Variants in KCNQ3 observed in about 807,000 individuals in gnomAD.
KCNQ3 encodes potassium voltage-gated channel subfamily Q member 3.
A neutral mutation model predicts 92.5 loss-of-function variants in KCNQ3; 30 were observed. That is an observed-to-expected ratio of 0.32 (90% CI 0.24 to 0.44). KCNQ3 has a LOEUF of 0.44. Ranked by LOEUF, KCNQ3 falls within the 20% of genes least tolerant of loss-of-function variation. KCNQ3 has a pLI of 1.00. For missense variants in KCNQ3, 913 were observed against 1,140.3 expected (o/e 0.80, Z 2.87); for synonymous variants, 450 against 468.8 (o/e 0.96, Z 0.52).
Position 132,480,675 on chromosome 8 carries a change from C to CCA in KCNQ3, c.-144_-143insTG. 1.1e-6 allele frequency: 1 copy of CCA among 900,752 alleles called. No homozygotes were observed. The highest frequency in any genetic ancestry group is 1.3e-6 in the Non-Finnish European group (1 of 740,836). 55.8% of individuals were successfully genotyped at this position (900,752 alleles called of 1,614,324 possible). The stretch of plus-strand genomic sequence containing the variant: ...TGATCCGCGCGCCCCTCCCCACCCC[C>CCA]CCCCAAAAGCAGGCAAAGGCGGGCC... On this transcript the variant is annotated 5_prime_UTR_variant, in exon 1 of 15. Transcript: ENST00000388996.
chr8:132,295,540 C>A (rs1816991875), intron 1 of KCNQ3, among the ~76,000 whole-genome samples: 1 of 152,136 alleles, frequency 6.6e-6, no homozygotes, highest in Non-Finnish European at 1.5e-5. Context: ...CGGGCGTATA[C>A]CCAAAGGAAT....
intron 1 of KCNQ3, among the ~76,000 whole-genome samples, chr8:132,303,269 T>A (rs578051870): frequency 6.6e-6 from 1 of 152,152 alleles, no homozygotes; most frequent in African/African-American, 2.4e-5. Flanking sequence ...CAAATCTTTT[T>A]CTTTGTACCT....
At chr8:132,159,977 A>C (rs564230926) in intron 9 of KCNQ3, among the ~76,000 whole-genome samples, 22 of 152,312 alleles carry the variant, frequency 1.4e-4, no homozygotes, top group African/African-American at 4.6e-4. Context: ...GTAGGAGATA[A>C]TGCAGCGAAT....
At chr8:132,374,693 G>A (rs1401285716) in intron 1 of KCNQ3, among the ~76,000 whole-genome samples, 1 of 152,078 alleles carries the variant, frequency 6.6e-6, no homozygotes, top group South Asian at 2.1e-4. Context: ...CCACCCTCAA[G>A]TAGGCCCCAG....
At chr8:132,273,779 T>G (rs1816239103) in intron 1 of KCNQ3, among the ~76,000 whole-genome samples, 1 of 152,162 alleles carries the variant, frequency 6.6e-6, no homozygotes, top group African/African-American at 2.4e-5. Context: ...AAATAAACTC[T>G]CTCAAGTTTA....
intron 1 of KCNQ3, among the ~76,000 whole-genome samples, chr8:132,211,735 G>C (rs907708182): frequency 6.6e-6 from 1 of 151,908 alleles, no homozygotes; most frequent in African/African-American, 2.4e-5. Flanking sequence ...GGTGGATCAC[G>C]AGGTCAGGCA....
At chr8:132,205,510 G>A (rs57475225) in intron 1 of KCNQ3, among the ~76,000 whole-genome samples, 2,791 of 152,314 alleles carry the variant, frequency 0.018, 95 homozygotes, top group African/African-American at 0.064. Context: ...AGCACTGTCT[G>A]TGTACAAGGC....
At chr8:132,361,853 C>T (rs976525000) in intron 1 of KCNQ3, among the ~76,000 whole-genome samples, 7 of 152,014 alleles carry the variant, frequency 4.6e-5, no homozygotes, top group African/African-American at 1.2e-4. Flanking sequence ...CAAAGATACA[C>T]GCCAAGCAAA....
intron 1 of KCNQ3, among the ~76,000 whole-genome samples, chr8:132,209,514 T>C (rs763903329): frequency 1.3e-5 from 2 of 150,556 alleles, no homozygotes; most frequent in South Asian, 4.2e-4. Context: ...TTTTGTATAA[T>C]GTACGTAATT....
rs183576764 is a variant in KCNQ3, at chr8:132,201,198, C to A, written c.387-15017G>T. On this transcript the variant is annotated intron_variant, in intron 1 of 14. Coordinates refer to ENST00000388996, the MANE Select transcript of KCNQ3 (RefSeq NM_004519.4). Reference sequence around the variant, plus strand: ...CTCGTAAAGGTCCCACATTTCTCAACACTGTTGCATTGGGGATTACATTTC... The same window carrying A: ...CTCGTAAAGGTCCCACATTTCTCAAAACTGTTGCATTGGGGATTACATTTC... Among the ~76,000 whole-genome samples the A allele has an allele frequency of 2.5e-3, 384 of 152,328 alleles. 1 individual carries two copies. Among genetic ancestry groups the A allele is most frequent in the Admixed American group, 4.4e-3 (68 of 15,304 alleles).
At chr8:132,172,394 T>G (rs1343978792) in intron 7 of KCNQ3, among the ~76,000 whole-genome samples, 1 of 113,608 alleles carries the variant, frequency 8.8e-6, no homozygotes, top group Non-Finnish European at 1.8e-5. Flanking sequence ...CTGGGCACAT[T>G]AATACACACA....
chr8:132,344,219 G>C lies in KCNQ3; in HGVS notation c.386+135928C>G, dbSNP rs548632237. Among the ~76,000 whole-genome samples, 65 of 152,312 alleles carry C rather than the reference G, an allele frequency of 4.3e-4. No homozygotes were observed. The South Asian group carries it at 7.2e-3, about 17-fold the overall frequency. On this transcript the variant is annotated intron_variant, in intron 1 of 14. Coordinates refer to ENST00000388996, the MANE Select transcript of KCNQ3 (RefSeq NM_004519.4). ...CAACTTACAGAGTATTATAGGGTCA[G>C]TACCCTATTCTCTACTAACATAAAT... is the stretch of plus-strand genomic sequence containing the variant.
chr8:132,222,829 T>A (rs1814280614), intron 1 of KCNQ3, among the ~76,000 whole-genome samples: 1 of 152,232 alleles, frequency 6.6e-6, no homozygotes, highest in Admixed American at 6.5e-5. Context: ...ATGTGCTTAA[T>A]GTGGATTTGA....
intron 1 of KCNQ3, among the ~76,000 whole-genome samples, chr8:132,194,592 C>G (rs1012359541): frequency 2.1e-4 from 32 of 152,324 alleles, no homozygotes; most frequent in African/African-American, 7.7e-4. Context: ...GGGGGAAATG[C>G]CATTATTGAT....
chr8:132,315,435 T>A (rs1817713347), intron 1 of KCNQ3, among the ~76,000 whole-genome samples: 1 of 152,072 alleles, frequency 6.6e-6, no homozygotes, highest in Non-Finnish European at 1.5e-5. Context: ...GGATAATGGT[T>A]AGGATATGTT....
At chr8:132,443,134 T>C (rs1159253006) in intron 1 of KCNQ3, among the ~76,000 whole-genome samples, 1 of 152,164 alleles carries the variant, frequency 6.6e-6, no homozygotes, top group East Asian at 1.9e-4. Context: ...GCATAACCTT[T>C]GGAAATAAAG....
At chr8:132,164,474 T>C (rs990688984) in intron 8 of KCNQ3, among the ~76,000 whole-genome samples, 3 of 151,922 alleles carry the variant, frequency 2.0e-5, no homozygotes, top group Non-Finnish European at 2.9e-5. Context: ...AACAAGAGAA[T>C]CATGGCAGAG....
chr8:132,412,605 G>A (rs1204626150), intron 1 of KCNQ3, among the ~76,000 whole-genome samples: 2 of 152,148 alleles, frequency 1.3e-5, no homozygotes, highest in Non-Finnish European at 2.9e-5. Context: ...CCACATATGA[G>A]CCCTCAGCCT....
At chr8:132,160,269 C>T (rs989487187) in intron 9 of KCNQ3, among the ~76,000 whole-genome samples, 2 of 152,196 alleles carry the variant, frequency 1.3e-5, no homozygotes, top group Non-Finnish European at 2.9e-5. Context: ...GCATGACAGC[C>T]ACCTGTGTTG....
Sources: allele counts gnomAD v4.1 joint callset (sites outside exome capture counted in the v4.1 genomes callset), GRCh38; gene constraint gnomAD v4.1.1; transcripts MANE v1.5; gene names NCBI Gene and HGNC (gene_info 2026-07-23, HGNC 2026-07-21).